SNX2: variants seen among roughly 807,000 people sequenced by gnomAD.
SNX2 encodes the protein sorting nexin-2.
In SNX2, 25 loss-of-function variants were observed where a neutral mutation model predicts 69.9. That is an observed-to-expected ratio of 0.36 (90% CI 0.26 to 0.50). The LOEUF (loss-of-function observed/expected upper bound fraction) is 0.50. Ranked by LOEUF, SNX2 falls within the 20% of genes least tolerant of loss-of-function variation. The probability of loss-of-function intolerance (pLI) is 0.97; values close to 1 mark genes in which losing one functional copy is unlikely to be tolerated. For synonymous variants in SNX2, 229 were observed against 200.4 expected, an observed-to-expected ratio of 1.14 and a Z score of -1.20; for missense variants, 551 against 613.3, an observed-to-expected ratio of 0.90 and a Z score of 1.07.
At chr5:122,792,767 T>C (rs1405288771) in intron 1 of SNX2, among the ~76,000 whole-genome samples, 1 of 152,158 alleles carries the variant, frequency 6.6e-6, no homozygotes, top group Non-Finnish European at 1.5e-5. Flanking sequence ...TTATCCAGAA[T>C]ATATAAGGAA....
At chr5:122,807,063 A>G (rs2150010720) in intron 6 of SNX2, among the ~76,000 whole-genome samples, 1 of 152,180 alleles carries the variant, frequency 6.6e-6, no homozygotes, top group East Asian at 1.9e-4. Flanking sequence ...AGGCAGTTGG[A>G]TTGCTTGAGC....
chr5:122,793,759 A>T (rs1431170246), intron 1 of SNX2, among the ~76,000 whole-genome samples: 1 of 151,458 alleles, frequency 6.6e-6, no homozygotes, highest in Admixed American at 6.6e-5. Flanking sequence ...AAATACAAAA[A>T]AAAATTAGCT....
chr5:122,806,142 G>GCACACGCACA (rs1554063176), intron 6 of SNX2, among the ~76,000 whole-genome samples: 6 of 130,584 alleles, frequency 4.6e-5, no homozygotes, highest in Non-Finnish European at 8.2e-5. Flanking sequence ...ACACGCGCGC[G>GCACACGCACA]CACACACACA....
At chr5:122,799,582 T>C (rs1753462062) in intron 2 of SNX2, 110 bp from the exon 3 acceptor site, 2 of 613,870 alleles carry the variant, frequency 3.3e-6, no homozygotes, top group African/African-American at 1.9e-5. Context: ...ACATTATTTT[T>C]ATATTTGTGG....
chr5:122,806,141 C>T (rs1197212899), intron 6 of SNX2, among the ~76,000 whole-genome samples: 7 of 72,768 alleles, frequency 9.6e-5, no homozygotes, highest in East Asian at 2.7e-3. Context: ...CACACGCGCG[C>T]GCACACACAC....
chr5:122,809,701 A>T (rs1391314776), intron 7 of SNX2, among the ~76,000 whole-genome samples: 1 of 151,618 alleles, frequency 6.6e-6, no homozygotes, highest in Non-Finnish European at 1.5e-5. Context: ...TAGGTCACAA[A>T]TTTTTTTTTA....
intron 1 of SNX2, among the ~76,000 whole-genome samples, chr5:122,787,390 C>A (rs1412740905): frequency 1.3e-5 from 2 of 151,990 alleles, no homozygotes; most frequent in Non-Finnish European, 2.9e-5. Flanking sequence ...CATGGTGGTG[C>A]ATGCCTGTAG....
chr5:122,797,032 A>G (rs1443739526), intron 2 of SNX2, among the ~76,000 whole-genome samples: 1 of 152,212 alleles, frequency 6.6e-6, no homozygotes, highest in African/African-American at 2.4e-5. Context: ...GGCACAAATA[A>G]TTCTCCAACC....
At chr5:122,795,539 CTA>C (rs1431854788) in intron 2 of SNX2, 156 bp downstream of exon 2, 14 of 593,324 alleles carry the variant, frequency 2.4e-5, no homozygotes, top group South Asian at 1.3e-4. Flanking sequence ...TCACATCACT[CTA>C]TGAAAAATGT....
chr5:122,818,763 A>G, intron 10 of SNX2, 55 bp from the exon 11 acceptor site: 1 of 1,443,296 alleles, frequency 6.9e-7, no homozygotes, highest in Non-Finnish European at 9.5e-7. Flanking sequence ...TCAATACAAT[A>G]TTTTAAAATT....
intron 1 of SNX2, among the ~76,000 whole-genome samples, chr5:122,789,530 T>A (rs186510224): frequency 1.3e-4 from 20 of 151,432 alleles, no homozygotes; most frequent in Non-Finnish European, 2.4e-4. Flanking sequence ...AAAGATGAGG[T>A]TTCTTTTGGC....
Position 122,827,652 on chromosome 5 carries a change from C to T in SNX2, c.1509+6C>T. 6.3e-7 allele frequency: 1 copy of T among 1,598,986 alleles called. No homozygotes were observed. Among genetic ancestry groups the T allele is most frequent in the South Asian group, 1.1e-5 (1 of 89,650 alleles). ...TAGTTCAAACACAACAACAGGTAAG[C>T]CATTTTTGTTTATAACTTAAACTTC... On this transcript the variant is annotated splice_donor_region_variant and intron_variant, in intron 14 of 14. Coordinates refer to ENST00000379516, the MANE Select transcript of SNX2 (RefSeq NM_003100.4).
chr5:122,800,236 AAAG>A (rs1401356160), intron 3 of SNX2, among the ~76,000 whole-genome samples: 1 of 152,200 alleles, frequency 6.6e-6, no homozygotes, highest in African/African-American at 2.4e-5. Flanking sequence ...TGATATTGAA[AAAG>A]AAGGGAGGAT....
At chr5:122,777,129 C>A (rs1035915213) in intron 1 of SNX2, among the ~76,000 whole-genome samples, 3 of 152,064 alleles carry the variant, frequency 2.0e-5, no homozygotes, top group Admixed American at 6.5e-5. Flanking sequence ...TTCAGTACTT[C>A]ACTTTTCTTT....
chr5:122,792,823 G>A (rs920286397), intron 1 of SNX2, among the ~76,000 whole-genome samples: 4 of 152,100 alleles, frequency 2.6e-5, no homozygotes, highest in Non-Finnish European at 5.9e-5. Flanking sequence ...CAAAATATTT[G>A]AAGAGACTCT....
At chr5:122,779,219 A>G (rs1752917260) in intron 1 of SNX2, among the ~76,000 whole-genome samples, 1 of 152,190 alleles carries the variant, frequency 6.6e-6, no homozygotes, top group Non-Finnish European at 1.5e-5. Context: ...AATGGTTTCT[A>G]GTGTATTCAC....
chr5:122,800,949 T>A (rs1753492858), intron 3 of SNX2, among the ~76,000 whole-genome samples: 1 of 152,046 alleles, frequency 6.6e-6, no homozygotes, highest in South Asian at 2.1e-4. Flanking sequence ...AGGGCTTCTC[T>A]GAAGTCTCGA....
Position 122,803,745 on chromosome 5 carries a change from T to A in SNX2, c.643+132T>A, listed in dbSNP as rs190574209. ...GTGTAGACATAACTGAATTTAAGTA[T>A]TTCATTTATACTAATCATGCATGGA... On this transcript the variant is annotated intron_variant, in intron 6 of 14. Transcript: ENST00000379516. 2.7e-3 allele frequency: 1,723 copies of A among 642,898 alleles called. 4 individuals are homozygous for A. The highest frequency in any genetic ancestry group is 3.5e-3 in the Non-Finnish European group (1,345 of 383,892). 39.8% of individuals were successfully genotyped at this position (642,898 alleles called of 1,614,324 possible). A position where few individuals can be genotyped will look rare whatever the true frequency, so the allele number is the denominator to read the frequency against.
At chr5:122,802,835 G>A (rs904390221) in intron 5 of SNX2, among the ~76,000 whole-genome samples, 7 of 152,118 alleles carry the variant, frequency 4.6e-5, no homozygotes, top group Non-Finnish European at 8.8e-5. Context: ...TTATGTAGGC[G>A]GTAGAATTGA....
Sources: allele counts gnomAD v4.1 joint callset (sites outside exome capture counted in the v4.1 genomes callset), GRCh38; gene constraint gnomAD v4.1.1; transcripts MANE v1.5; gene names NCBI Gene and HGNC (gene_info 2026-07-23, HGNC 2026-07-21).